LYPD6B: variants seen among roughly 807,000 people sequenced by gnomAD.
LYPD6B encodes the protein ly6/PLAUR domain-containing protein 6B.
In LYPD6B, 17 loss-of-function variants were observed where a neutral mutation model predicts 22.8. That is an observed-to-expected ratio of 0.75 (90% CI 0.51 to 1.12). LYPD6B has a LOEUF of 1.12. Ranked by LOEUF, LYPD6B falls within the 50% of genes most tolerant of loss-of-function variation. LYPD6B has a pLI of 0.00. For synonymous variants in LYPD6B, 106 were observed against 91.6 expected (o/e 1.16, Z -0.90); for missense variants, 221 against 258.3 (o/e 0.86, Z 0.99).
intron 1 of LYPD6B, among the ~76,000 whole-genome samples, chr2:149,043,101 G>C (rs950157933): frequency 6.6e-6 from 1 of 152,174 alleles, no homozygotes; most frequent in African/African-American, 2.4e-5. Context: ...TGGTAGCAGG[G>C]AAAGGAAGAA....
At chr2:149,057,136 G>A (rs1364318344) in intron 1 of LYPD6B, among the ~76,000 whole-genome samples, 3 of 152,008 alleles carry the variant, frequency 2.0e-5, no homozygotes, top group Non-Finnish European at 2.9e-5. Context: ...ATTCAGACTC[G>A]TATGACTCAT....
intron 1 of LYPD6B, among the ~76,000 whole-genome samples, chr2:149,062,860 C>CTT (rs5835285): frequency 0.018 from 1,639 of 93,406 alleles, 23 homozygotes; most frequent in African/African-American, 0.035. Flanking sequence ...GATACATGTT[C>CTT]TTTTTTTTTT....
intron 3 of LYPD6B, among the ~76,000 whole-genome samples, chr2:149,163,331 G>T (rs889654806): frequency 6.6e-6 from 1 of 152,010 alleles, no homozygotes; most frequent in Non-Finnish European, 1.5e-5. Context: ...GAAGGAGAGG[G>T]TCTTACTTTT....
intron 4 of LYPD6B, chr2:149,206,084 A>G (rs907603026): frequency 2.2e-6 from 1 of 454,680 alleles, no homozygotes; most frequent in Admixed American, 2.5e-5. Flanking sequence ...ATTATTTGGT[A>G]TACATGTGGG....
chr2:149,157,784 C>T (rs896824080), intron 2 of LYPD6B, among the ~76,000 whole-genome samples: 6 of 152,148 alleles, frequency 3.9e-5, no homozygotes, highest in Non-Finnish European at 8.8e-5. Context: ...TGTTTGCACA[C>T]GGAAGCCTGG....
chr2:149,163,058 G>A (rs564812662), intron 3 of LYPD6B, among the ~76,000 whole-genome samples: 1 of 152,120 alleles, frequency 6.6e-6, no homozygotes, highest in Non-Finnish European at 1.5e-5. Flanking sequence ...GGGGGGTGGG[G>A]CAGGAGTCCT....
intron 2 of LYPD6B, 110 bp downstream of exon 2, chr2:149,131,063 C>T: frequency 1.3e-6 from 1 of 762,056 alleles, no homozygotes; most frequent in South Asian, 1.6e-5. Context: ...CATTTGTGAT[C>T]TGGAGTTTCA....
At chr2:149,156,141 T>C (rs1689685070) in intron 2 of LYPD6B, among the ~76,000 whole-genome samples, 1 of 152,176 alleles carries the variant, frequency 6.6e-6, no homozygotes, top group African/African-American at 2.4e-5. Flanking sequence ...GTGGAACCTC[T>C]AGTCAGCACA....
intron 1 of LYPD6B, among the ~76,000 whole-genome samples, chr2:149,071,418 C>A (rs1684596386): frequency 6.6e-6 from 1 of 152,100 alleles, no homozygotes; most frequent in Non-Finnish European, 1.5e-5. Context: ...TCAAACAAAT[C>A]TTTGAAAGTT....
intron 1 of LYPD6B, among the ~76,000 whole-genome samples, chr2:149,078,403 T>C (rs1684971863): frequency 6.6e-6 from 1 of 152,196 alleles, no homozygotes; most frequent in African/African-American, 2.4e-5. Context: ...AACCTGGGGT[T>C]GCCAGCCAGT....
At chr2:149,127,168 T>C (rs1230788734) in intron 1 of LYPD6B, among the ~76,000 whole-genome samples, 1 of 151,956 alleles carries the variant, frequency 6.6e-6, no homozygotes, top group Non-Finnish European at 1.5e-5. Flanking sequence ...ATAGTAATAT[T>C]CTATGTCTGA....
At chr2:149,183,873 A>G (rs1691919530) in intron 3 of LYPD6B, among the ~76,000 whole-genome samples, 1 of 151,316 alleles carries the variant, frequency 6.6e-6, no homozygotes, top group African/African-American at 2.4e-5. Context: ...GTATATATAT[A>G]TATATATGCC....
intron 3 of LYPD6B, among the ~76,000 whole-genome samples, chr2:149,192,381 T>A (rs1428474445): frequency 6.6e-6 from 1 of 151,970 alleles, no homozygotes; most frequent in Non-Finnish European, 1.5e-5. Context: ...ACCAACTTAT[T>A]GTAGGAAAGA....
intron 1 of LYPD6B, among the ~76,000 whole-genome samples, chr2:149,047,460 C>T (rs1574868564): frequency 6.6e-6 from 1 of 151,950 alleles, no homozygotes; most frequent in South Asian, 2.1e-4. Context: ...TTCTGTAATT[C>T]CTATCTTTGT....
At chr2:149,166,828 A>G (rs1690455542) in intron 3 of LYPD6B, among the ~76,000 whole-genome samples, 1 of 152,090 alleles carries the variant, frequency 6.6e-6, no homozygotes, top group South Asian at 2.1e-4. Context: ...CCCACCAGAG[A>G]GGAGAGATCA....
rs1047336707 is a variant in LYPD6B at position 149,072,963 on chromosome 2, G to C, written c.-67+34162G>C. Among the ~76,000 whole-genome samples the C allele has an allele frequency of 2.6e-5, 4 of 152,190 alleles. No individual in the cohort carries two copies. In the East Asian group the frequency reaches 7.7e-4, roughly 29 times the overall value. On this transcript the variant is annotated intron_variant, in intron 1 of 6. Coordinates refer to ENST00000409642, the MANE Select transcript of LYPD6B (RefSeq NM_177964.5). ...GATTTCTAGGCAGAGGGAACAGCAAGTGCAAAGGCCCTGGGATGGGAACTT... is the reference window on the plus strand; with the variant it reads ...GATTTCTAGGCAGAGGGAACAGCAACTGCAAAGGCCCTGGGATGGGAACTT...
intron 3 of LYPD6B, among the ~76,000 whole-genome samples, chr2:149,165,159 C>T (rs115787535): frequency 1.3e-5 from 2 of 152,254 alleles, no homozygotes; most frequent in Admixed American, 6.5e-5. Context: ...AGCTCAGCCT[C>T]CTTGACATGA....
intron 1 of LYPD6B, among the ~76,000 whole-genome samples, chr2:149,111,678 C>T (rs567624178): frequency 1.3e-5 from 2 of 152,174 alleles, no homozygotes; most frequent in Admixed American, 6.5e-5. Context: ...AAAGTCTAGC[C>T]TAGAGACATA....
intron 1 of LYPD6B, among the ~76,000 whole-genome samples, chr2:149,046,847 G>T (rs1429651856): frequency 1.3e-5 from 2 of 152,046 alleles, no homozygotes; most frequent in South Asian, 4.1e-4. Flanking sequence ...ATAAATAAAA[G>T]ATTTTTTGCT....
Sources: gnomAD v4.1 joint callset for allele counts (sites outside exome capture counted in the v4.1 genomes callset) on GRCh38, gnomAD v4.1.1 for gene constraint, MANE v1.5 for transcripts, NCBI Gene and HGNC (gene_info 2026-07-23, HGNC 2026-07-21) for gene names.